Variants in TRAPPC9 observed in about 807,000 individuals in gnomAD.
TRAPPC9 encodes the protein trafficking protein particle complex subunit 9.
A neutral mutation model predicts 124.0 loss-of-function variants in TRAPPC9; 83 were observed. The ratio of observed to expected loss-of-function variants is 0.67; its 90% CI spans 0.56 to 0.80. TRAPPC9 has a LOEUF of 0.80. TRAPPC9 is among the 30% of genes least tolerant of loss of function. The pLI is 0.00. For synonymous variants in TRAPPC9, 638 were observed against 617.5 expected (o/e 1.03, Z -0.49); for missense variants, 1,302 against 1,508.3 (o/e 0.86, Z 2.27).
intron 17 of TRAPPC9, among the ~76,000 whole-genome samples, chr8:140,025,803 C>T (rs1410259471): frequency 1.3e-5 from 2 of 152,184 alleles, no homozygotes; most frequent in Non-Finnish European, 2.9e-5. Context: ...AGTCCCGTTT[C>T]TTCTAGTTTT....
At chr8:139,766,244 C>T (rs549418282) in intron 21 of TRAPPC9, among the ~76,000 whole-genome samples, 2 of 152,350 alleles carry the variant, frequency 1.3e-5, no homozygotes, top group East Asian at 3.9e-4. Flanking sequence ...TGTCTGCCAC[C>T]TGCTCAGGCT....
intron 13 of TRAPPC9, among the ~76,000 whole-genome samples, chr8:140,285,495 G>A (rs2065457022): frequency 6.6e-6 from 1 of 152,102 alleles, no homozygotes; most frequent in Non-Finnish European, 1.5e-5. Context: ...AAATAACGCA[G>A]CAGCCCCAAT....
chr8:140,100,793 G>A (rs2060564558), intron 17 of TRAPPC9, among the ~76,000 whole-genome samples: 1 of 152,152 alleles, frequency 6.6e-6, no homozygotes, highest in Non-Finnish European at 1.5e-5. Flanking sequence ...GGGCCCTGAG[G>A]ATGACTCCGT....
intron 17 of TRAPPC9, among the ~76,000 whole-genome samples, chr8:140,128,996 TA>T: frequency 7.4e-6 from 1 of 135,392 alleles, no homozygotes; most frequent in African/African-American, 2.7e-5. Flanking sequence ...TACATATATA[TA>T]TATATATTAA....
chr8:139,814,960 T>G (rs1824727616), intron 21 of TRAPPC9, among the ~76,000 whole-genome samples: 1 of 152,188 alleles, frequency 6.6e-6, no homozygotes, highest in Admixed American at 6.5e-5. Context: ...GCAGGGCCAT[T>G]GATGTCACAG....
chr8:140,202,163 TAAAA>T (rs397698897), intron 17 of TRAPPC9, among the ~76,000 whole-genome samples: 1 of 135,870 alleles, frequency 7.4e-6, no homozygotes, highest in South Asian at 2.3e-4. Context: ...CTTCTGTAAT[TAAAA>T]AAAAAAAAAA....
chr8:140,337,559 C>T (rs953112301), intron 9 of TRAPPC9, among the ~76,000 whole-genome samples: 1 of 152,136 alleles, frequency 6.6e-6, no homozygotes, highest in Non-Finnish European at 1.5e-5. Context: ...ACAAGGTCAC[C>T]GGCAAGAGAG....
At chr8:140,228,246 C>G (rs749729185) in intron 16 of TRAPPC9, among the ~76,000 whole-genome samples, 1 of 152,200 alleles carries the variant, frequency 6.6e-6, no homozygotes, top group African/African-American at 2.4e-5. Flanking sequence ...AGGCAACAAT[C>G]GCTCAGTGGG....
At chr8:139,929,450 A>AG (rs1348851064) in intron 19 of TRAPPC9, among the ~76,000 whole-genome samples, 2 of 150,800 alleles carry the variant, frequency 1.3e-5, no homozygotes, top group Admixed American at 6.6e-5. Flanking sequence ...AAAAAAAGGG[A>AG]GGGGGCCGAG....
chr8:139,889,555 G>C (rs1027640572), intron 20 of TRAPPC9, among the ~76,000 whole-genome samples: 26 of 152,230 alleles, frequency 1.7e-4, no homozygotes, highest in Non-Finnish European at 1.9e-4. Context: ...AAAAGTTCGG[G>C]AAGCAGATGG....
At chr8:139,915,545 C>T (rs1223057227) in intron 19 of TRAPPC9, among the ~76,000 whole-genome samples, 1 of 152,186 alleles carries the variant, frequency 6.6e-6, no homozygotes, top group African/African-American at 2.4e-5. Flanking sequence ...CCACGCCAGC[C>T]TTGTTTCAAT....
chr8:140,304,895 A>G (rs1201115831), intron 10 of TRAPPC9, among the ~76,000 whole-genome samples: 2 of 150,554 alleles, frequency 1.3e-5, no homozygotes, highest in Non-Finnish European at 2.9e-5. Flanking sequence ...CCTCTGGGAG[A>G]GCCACCTTCA....
chr8:140,282,502 C>CA (rs549294612), intron 14 of TRAPPC9, among the ~76,000 whole-genome samples: 40,637 of 99,348 alleles, frequency 0.41, 6,869 homozygotes, highest in Middle Eastern at 0.52. Flanking sequence ...GACTCCACCT[C>CA]AAAAAAAAAA....
intron 6 of TRAPPC9, 99 bp downstream of exon 6, chr8:140,405,478 A>G: frequency 7.6e-7 from 1 of 1,317,144 alleles, no homozygotes; most frequent in Non-Finnish European, 1.1e-6. Flanking sequence ...TTACAGAAAT[A>G]AATAATTAAG....
At chr8:140,383,398 G>A (rs2068667777) in intron 7 of TRAPPC9, among the ~76,000 whole-genome samples, 1 of 152,154 alleles carries the variant, frequency 6.6e-6, no homozygotes, top group South Asian at 2.1e-4. Flanking sequence ...CCATTGCAAA[G>A]AACTTAAACA....
At chr8:140,458,422 C>G, upstream of TRAPPC9, 1 of 1,587,082 alleles carries the variant, frequency 6.3e-7, no homozygotes, top group Non-Finnish European at 8.6e-7. Context: ...GTCGTGCCCC[C>G]CACGTGGGTG....
At chr8:140,211,703 G>A (rs554528180) in intron 17 of TRAPPC9, among the ~76,000 whole-genome samples, 7 of 152,272 alleles carry the variant, frequency 4.6e-5, no homozygotes, top group East Asian at 3.9e-4. Flanking sequence ...TATTCTGATC[G>A]AATGAGATAA....
chr8:140,313,005 C>T (rs956444490), intron 9 of TRAPPC9, among the ~76,000 whole-genome samples: 6 of 152,166 alleles, frequency 3.9e-5, no homozygotes, highest in Middle Eastern at 3.2e-3. Flanking sequence ...AGTGATCCCC[C>T]CACCTTGGCC....
chr8:139,806,537 TC>T (rs1304104215), intron 21 of TRAPPC9, among the ~76,000 whole-genome samples: 1 of 152,118 alleles, frequency 6.6e-6, no homozygotes, highest in Non-Finnish European at 1.5e-5. Flanking sequence ...TAGCCTCAGG[TC>T]CCAGAGCAGC....
Sources: allele counts gnomAD v4.1 joint callset (sites outside exome capture counted in the v4.1 genomes callset), GRCh38; gene constraint gnomAD v4.1.1; transcripts MANE v1.5; gene names NCBI Gene and HGNC (gene_info 2026-07-23, HGNC 2026-07-21).